Variants in RGS6 observed in about 807,000 individuals in gnomAD.
RGS6 encodes regulator of G-protein signaling 6.
In RGS6, 30 loss-of-function variants were observed where a neutral mutation model predicts 78.5. The observed-to-expected ratio is 0.38, with a 90% CI of 0.29 to 0.52. The LOEUF is 0.52. Ranked by LOEUF, RGS6 falls within the 20% of genes least tolerant of loss-of-function variation. The pLI is 0.85. For synonymous variants in RGS6, 206 were observed against 206.0 expected, an observed-to-expected ratio of 1.00 and a Z score of 0.00; for missense variants, 495 against 609.7, an observed-to-expected ratio of 0.81 and a Z score of 1.98.
At chr14:72,042,953 C>T (rs1230506458) in intron 2 of RGS6, among the ~76,000 whole-genome samples, 1 of 152,102 alleles carries the variant, frequency 6.6e-6, no homozygotes, top group Non-Finnish European at 1.5e-5. Flanking sequence ...GAGAGTGTTA[C>T]ATTGCTTTTG....
rs999978058 is a variant in RGS6, at chr14:72,013,433, G to A, written c.84+48558G>A. Among the ~76,000 whole-genome samples, 8 of 152,206 alleles carry A rather than the reference G, an allele frequency of 5.3e-5. No individual in the cohort carries two copies. The East Asian group carries it at 5.8e-4, about 11-fold the overall frequency. On this transcript the variant is annotated intron_variant, in intron 2 of 17. Transcript: ENST00000553525. ...TATCTCAACATATGGTAGTTTATAGGGATAGTCTGTAATCTTGCAAATTTA... is the reference window on the plus strand; with the variant it reads ...TATCTCAACATATGGTAGTTTATAGAGATAGTCTGTAATCTTGCAAATTTA...
At chr14:72,314,633 G>C (rs1342770691) in intron 2 of RGS6, among the ~76,000 whole-genome samples, 1 of 152,130 alleles carries the variant, frequency 6.6e-6, no homozygotes, top group East Asian at 1.9e-4. Flanking sequence ...CCTGAACCCA[G>C]GTCCTCTAAT....
At chr14:72,468,285 A>G (rs780155761) in intron 7 of RGS6, among the ~76,000 whole-genome samples, 3 of 152,046 alleles carry the variant, frequency 2.0e-5, no homozygotes, top group Non-Finnish European at 4.4e-5. Context: ...AGGCTGAGGC[A>G]GGAGAATCCC....
chr14:72,486,416 C>G (rs2096489338), intron 12 of RGS6, among the ~76,000 whole-genome samples: 1 of 152,056 alleles, frequency 6.6e-6, no homozygotes, highest in African/African-American at 2.4e-5. Context: ...ATGGCAGCTC[C>G]TGAAGTAGCC....
Position 72,562,846 on chromosome 14 carries a change from C to A in RGS6, c.*379C>A. On this transcript the variant is annotated 3_prime_UTR_variant, in exon 18 of 18. Coordinates refer to ENST00000553525, the MANE Select transcript of RGS6 (RefSeq NM_001204424.2). ...TCCTCACTCCCTCGCTGTCTGGAGA[C>A]GGTCACACCTTCTGGCAAATTCAAG... 3 of 1,211,368 alleles carry A rather than the reference C, an allele frequency of 2.5e-6. No homozygotes were observed. Among genetic ancestry groups the A allele is most frequent in the Non-Finnish European group, 3.5e-6 (3 of 851,286 alleles). The allele number at this position is 1,211,368 out of a possible 1,614,324, so 75.0% of individuals were successfully genotyped here.
intron 3 of RGS6, among the ~76,000 whole-genome samples, chr14:72,395,613 A>G (rs934158545): frequency 2.6e-5 from 4 of 152,156 alleles, no homozygotes; most frequent in Admixed American, 2.0e-4. Flanking sequence ...TACATGTGCC[A>G]TGTTGGTGTG....
At chr14:72,453,960 A>T (rs889525927) in intron 3 of RGS6, among the ~76,000 whole-genome samples, 2 of 152,228 alleles carry the variant, frequency 1.3e-5, no homozygotes, top group Admixed American at 1.3e-4. Context: ...CCCATATTCT[A>T]TTGGCAGAAC....
chr14:72,357,063 G>C (rs1461262842), intron 3 of RGS6, among the ~76,000 whole-genome samples: 2 of 152,108 alleles, frequency 1.3e-5, no homozygotes, highest in Non-Finnish European at 2.9e-5. Context: ...TTGAGGTCGG[G>C]AGTTCAAGAC....
intron 17 of RGS6, among the ~76,000 whole-genome samples, chr14:72,552,107 C>T (rs189414694): frequency 6.6e-6 from 1 of 152,324 alleles, no homozygotes; most frequent in East Asian, 1.9e-4. Flanking sequence ...TTATATACAT[C>T]TTGTGGTTGA....
chr14:72,276,330 C>T (rs988513426), intron 2 of RGS6, among the ~76,000 whole-genome samples: 1 of 152,054 alleles, frequency 6.6e-6, no homozygotes, highest in African/African-American at 2.4e-5. Flanking sequence ...AATGTAGCCC[C>T]CTAAGGGAGC....
At position 72,398,913 on chromosome 14, in the gene RGS6, G is replaced by A. The variant is rs570816951; in HGVS notation, c.184+46719G>A. 3.0e-3 allele frequency among the ~76,000 whole-genome samples: 450 copies of A among 152,196 alleles called. 1 individual carries two copies. Among genetic ancestry groups the A allele is most frequent in the African/African-American group, 0.01 (421 of 41,508 alleles). On this transcript the variant is annotated intron_variant, in intron 3 of 17. Coordinates refer to ENST00000553525, the MANE Select transcript of RGS6 (RefSeq NM_001204424.2). ...CTAGTTTGATTGCACTGTGGTGTGA[G>A]AGACAGTTTGTTATAATTTCTATTC...
intron 7 of RGS6, among the ~76,000 whole-genome samples, chr14:72,468,224 A>C (rs916997165): frequency 6.6e-6 from 1 of 152,154 alleles, no homozygotes; most frequent in Non-Finnish European, 1.5e-5. Flanking sequence ...CTAAAAATAC[A>C]AAAAATTAGC....
intron 17 of RGS6, among the ~76,000 whole-genome samples, chr14:72,551,191 A>G (rs2097501778): frequency 6.6e-6 from 1 of 152,146 alleles, no homozygotes; most frequent in African/African-American, 2.4e-5. Flanking sequence ...GAGAAGGACC[A>G]TCAAGGAGTG....
At chr14:72,184,167 T>A (rs781357944) in intron 2 of RGS6, among the ~76,000 whole-genome samples, 2 of 152,144 alleles carry the variant, frequency 1.3e-5, no homozygotes, top group African/African-American at 2.4e-5. Flanking sequence ...TTTCTCCTTC[T>A]TGAAGCTTCT....
At chr14:72,141,255 C>G (rs2096535560) in intron 2 of RGS6, among the ~76,000 whole-genome samples, 2 of 152,172 alleles carry the variant, frequency 1.3e-5, no homozygotes, top group African/African-American at 4.8e-5. Context: ...TAACACAGGT[C>G]TTTAGTGCCC....
At chr14:72,333,185 G>A (rs1390064542) in intron 2 of RGS6, among the ~76,000 whole-genome samples, 1 of 152,226 alleles carries the variant, frequency 6.6e-6, no homozygotes, top group African/African-American at 2.4e-5. Context: ...GATGCTTGGA[G>A]GATGCACAGT....
rs2077281301 is a variant in RGS6 at position 72,342,756 on chromosome 14, C to T, written c.85-9339C>T. ...AAAAAAAAAAAAAAAAAAAAGTTCC[C>T]AGAAATAACCTCTAAGCCACCCATC... On this transcript the variant is annotated intron_variant, in intron 2 of 17. Transcript: ENST00000553525. Among the ~76,000 whole-genome samples the T allele has an allele frequency of 1.4e-5, 2 of 146,974 alleles. 1 individual carries two copies. The highest frequency in any genetic ancestry group is 4.3e-4 in the South Asian group (2 of 4,634).
intron 2 of RGS6, among the ~76,000 whole-genome samples, chr14:72,317,584 A>G (rs80100068): frequency 0.01 from 1,594 of 152,036 alleles, 23 homozygotes; most frequent in African/African-American, 0.037. Context: ...CTTGATTTGG[A>G]TTTTTTGTTG....
At chr14:72,387,036 A>G (rs1230106516) in intron 3 of RGS6, among the ~76,000 whole-genome samples, 5 of 152,156 alleles carry the variant, frequency 3.3e-5, no homozygotes, top group African/African-American at 4.8e-5. Context: ...ACACTCATCA[A>G]ACTGTGTGCT....
Sources: gnomAD v4.1 joint callset for allele counts (sites outside exome capture counted in the v4.1 genomes callset) on GRCh38, gnomAD v4.1.1 for gene constraint, MANE v1.5 for transcripts, NCBI Gene and HGNC (gene_info 2026-07-23, HGNC 2026-07-21) for gene names.